The following PNPLA8 variants were observed in gnomAD, a reference collection of about 807,000 sequenced individuals.
The protein encoded by PNPLA8 is patatin like domain 8, phospholipase A2, also known as calcium-independent phospholipase A2-gamma.
In PNPLA8, 39 loss-of-function variants were observed where a neutral mutation model predicts 76.9. The ratio of observed to expected loss-of-function variants is 0.51; its 90% CI spans 0.39 to 0.66. The LOEUF (loss-of-function observed/expected upper bound fraction) is 0.66, where lower values mean the gene tolerates loss of function less well. PNPLA8 is among the 30% of genes least tolerant of loss of function. The pLI, the probability that PNPLA8 is intolerant of heterozygous loss-of-function variation, is 0.00. For synonymous variants in PNPLA8, 301 were observed against 307.9 expected (o/e 0.98, Z 0.24); for missense variants, 887 against 918.0 (o/e 0.97, Z 0.44).
At position 108,515,213 on chromosome 7, in the gene PNPLA8, T is replaced by C. The variant is rs773146330; in HGVS notation, c.279A>G (p.Gly93=). Residue 93 remains glycine, a synonymous_variant, in exon 3 of 11, where the codon GGA becomes GGG. Coordinates refer to ENST00000257694, the MANE Select transcript of PNPLA8 (RefSeq NM_001256007.3). ...ACATACAAATGTTCACTTTTGTAAG[T>C]CCCTTGGGAGCAGAAGTGCTAAGTT... is the stretch of plus-strand genomic sequence containing the variant. ...ILKLSTSAPK[G]LTKVNICMSR... is the part of the protein sequence containing the mutation. 1.2e-6 allele frequency: 2 copies of C among 1,604,162 alleles called. No individual in the cohort carries two copies. Among genetic ancestry groups the C allele is most frequent in the Non-Finnish European group, 1.7e-6 (2 of 1,173,610 alleles).
chr7:108,505,436 C>T (rs40854), intron 4 of PNPLA8, among the ~76,000 whole-genome samples: 37,148 of 135,682 alleles, frequency 0.27, 5,437 homozygotes, highest in African/African-American at 0.31. Context: ...GATCTCAGCT[C>T]ACCGCAACCT....
chr7:108,491,834 T>C (rs111703828), intron 7 of PNPLA8, among the ~76,000 whole-genome samples: 24 of 152,190 alleles, frequency 1.6e-4, no homozygotes, highest in African/African-American at 5.8e-4. Context: ...ATAAATCTGT[T>C]GTTTTCAGGG....
chr7:108,525,858 C>G (rs932036849), intron 1 of PNPLA8, among the ~76,000 whole-genome samples, 171 bp downstream of exon 1: 1 of 152,212 alleles, frequency 6.6e-6, no homozygotes. Flanking sequence ...GCTCCAGGAC[C>G]TGCGGGCTCC....
intron 9 of PNPLA8, among the ~76,000 whole-genome samples, chr7:108,484,449 C>G (rs1458234004): frequency 6.6e-6 from 1 of 152,018 alleles, no homozygotes; most frequent in African/African-American, 2.4e-5. Flanking sequence ...TGGTCTTGAA[C>G]TCCTGAGCTC....
chr7:108,491,924 G>C (rs1346765246), intron 7 of PNPLA8, among the ~76,000 whole-genome samples: 1 of 152,186 alleles, frequency 6.6e-6, no homozygotes, highest in Non-Finnish European at 1.5e-5. Context: ...ACCAGGTGAG[G>C]ACAATGAGAC....
intron 2 of PNPLA8, 124 bp from the exon 3 acceptor site, chr7:108,515,698 T>C: frequency 2.6e-6 from 1 of 388,662 alleles, no homozygotes; most frequent in Non-Finnish European, 4.3e-6. Context: ...AAAATATTCC[T>C]ATTATAGCTG....
intron 1 of PNPLA8, among the ~76,000 whole-genome samples, chr7:108,524,296 G>T (rs1013188439): frequency 2.0e-5 from 3 of 152,178 alleles, no homozygotes; most frequent in East Asian, 3.9e-4. Context: ...CATGCCCACT[G>T]AAGTATATTT....
At chr7:108,513,192 C>G (rs908297441) in intron 4 of PNPLA8, among the ~76,000 whole-genome samples, 20 of 152,068 alleles carry the variant, frequency 1.3e-4, no homozygotes, top group African/African-American at 4.8e-4. Context: ...TATTTAAGAT[C>G]TTTGCTTTCA....
chr7:108,489,259 C>A (rs919505478), intron 8 of PNPLA8, among the ~76,000 whole-genome samples: 1 of 152,212 alleles, frequency 6.6e-6, no homozygotes, highest in Non-Finnish European at 1.5e-5. Flanking sequence ...TAAGTCATCT[C>A]TTCATCACAG....
At chr7:108,527,355 C>T (rs1864131995), upstream of PNPLA8, among the ~76,000 whole-genome samples, 3 of 152,136 alleles carry the variant, frequency 2.0e-5, no homozygotes, top group South Asian at 6.2e-4. Flanking sequence ...ATCATAATGC[C>T]TGGTAAACCC....
rs1863135649 is a variant in PNPLA8, at chr7:108,514,267, G to A, written c.1083C>T (p.Asn361=). 4 of 1,611,880 alleles carry A rather than the reference G, an allele frequency of 2.5e-6. No individual in the cohort carries two copies. The highest frequency in any genetic ancestry group is 2.2e-5 in the South Asian group (2 of 91,038). The change falls in exon 4 of 11, where the codon AAC becomes AAT. Residue 361 remains asparagine (N), a synonymous_variant. Transcript: ENST00000257694. The stretch of plus-strand genomic sequence containing the variant: ...ATGCCTGAACTAATGCCCGGGTCCT[G>A]TTATCAATACTCACCCTTGCGATAA... ...EKIIARVSID[N]RTRALVQALR...
chr7:108,516,162 C>T (rs1863328951), intron 2 of PNPLA8, among the ~76,000 whole-genome samples: 1 of 152,122 alleles, frequency 6.6e-6, no homozygotes. Flanking sequence ...GAAGAAACTA[C>T]AGCATATAAC....
chr7:108,497,429 T>G, intron 6 of PNPLA8, 54 bp downstream of exon 6: 3 of 1,203,992 alleles, frequency 2.5e-6, no homozygotes, highest in Non-Finnish European at 2.4e-6. Flanking sequence ...GTGCTTAATG[T>G]TCTTTTCCTT....
Position 108,496,715 on chromosome 7 carries a change from G to C in PNPLA8, c.1494C>G (p.Pro498=). The part of the protein sequence containing the change: ...LAFMLGLFHM[P]LDECEELYRK... ...GATAAAGTTCCTCACATTCATCCAA[G>C]GGCATATGAAACAACCCCAACATGA... Residue 498 remains proline (P), a synonymous_variant, in exon 7 of 11, where the codon CCC becomes CCG. Coordinates refer to ENST00000257694, the MANE Select transcript of PNPLA8 (RefSeq NM_001256007.3). The C allele has an allele frequency of 6.2e-7, 1 of 1,610,468 alleles. No homozygotes were observed. Among genetic ancestry groups the C allele is most frequent in the South Asian group, 1.1e-5 (1 of 90,454 alleles).
chr7:108,502,442 CAAAAAAAAAAAAAAAAA>C (rs369261888), intron 5 of PNPLA8, 32 bp downstream of exon 5: 3 of 623,266 alleles, frequency 4.8e-6, no homozygotes, highest in Non-Finnish European at 6.4e-6. Flanking sequence ...AACTCCATCT[CAAAAAAAAAAAAAAAAA>C]AAAAAAAAAA....
intron 7 of PNPLA8, among the ~76,000 whole-genome samples, chr7:108,494,913 C>A (rs1861448295): frequency 6.6e-6 from 1 of 151,796 alleles, no homozygotes; most frequent in African/African-American, 2.4e-5. Context: ...AAAATTATGC[C>A]CTCAAAATTC....
At chr7:108,494,632 T>G (rs1257445020) in intron 7 of PNPLA8, among the ~76,000 whole-genome samples, 1 of 152,228 alleles carries the variant, frequency 6.6e-6, no homozygotes, top group Non-Finnish European at 1.5e-5. Flanking sequence ...CCTAGGTTGA[T>G]TCCATGTATC....
At chr7:108,475,773 C>T (rs1859946277) in intron 10 of PNPLA8, among the ~76,000 whole-genome samples, 1 of 152,064 alleles carries the variant, frequency 6.6e-6, no homozygotes, top group Non-Finnish European at 1.5e-5. Context: ...AGGCAGCAAG[C>T]TGGACAATAA....
intron 5 of PNPLA8, among the ~76,000 whole-genome samples, chr7:108,498,436 T>TC (rs1861716626): frequency 6.6e-6 from 1 of 151,382 alleles, no homozygotes; most frequent in African/African-American, 2.4e-5. Context: ...GGCTAATTTT[T>TC]TTTTTTTTTT....
Sources: gnomAD v4.1 joint callset for allele counts (sites outside exome capture counted in the v4.1 genomes callset) on GRCh38, gnomAD v4.1.1 for gene constraint, MANE v1.5 for transcripts, NCBI Gene and HGNC (gene_info 2026-07-23, HGNC 2026-07-21) for gene names.